TTC7B: variants seen among roughly 807,000 people sequenced by gnomAD.
The protein encoded by TTC7B is tetratricopeptide repeat domain 7B.
Under a neutral mutation model 106.8 loss-of-function variants are expected in TTC7B, and 28 were observed. The observed-to-expected ratio is 0.26, with a 90% confidence interval of 0.19 to 0.36. The LOEUF is 0.36. Among genes scored for constraint, TTC7B ranks in the 10% least tolerant of loss-of-function variants. TTC7B has a pLI of 1.00. For missense variants in TTC7B, 862 were observed against 1,076.4 expected, an observed-to-expected ratio of 0.80 and a Z score of 2.79; for synonymous variants, 405 against 430.6, an observed-to-expected ratio of 0.94 and a Z score of 0.74.
chr14:90,806,652 A>G (rs2140061929), intron 1 of TTC7B, among the ~76,000 whole-genome samples: 1 of 152,318 alleles, frequency 6.6e-6, no homozygotes, highest in South Asian at 2.1e-4. Context: ...CAAACCTGTA[A>G]TCCCAGCACT....
intron 18 of TTC7B, among the ~76,000 whole-genome samples, chr14:90,580,789 A>G (rs1891456456): frequency 6.6e-6 from 1 of 152,200 alleles, no homozygotes; most frequent in Non-Finnish European, 1.5e-5. Flanking sequence ...GCAGCTCCTG[A>G]TAGCCAGGTC....
intron 19 of TTC7B, among the ~76,000 whole-genome samples, chr14:90,546,802 G>A (rs956667943): frequency 1.1e-4 from 16 of 152,234 alleles, no homozygotes; most frequent in African/African-American, 3.9e-4. Context: ...GGTAAGCGCA[G>A]GCCTGCTCTC....
chr14:90,548,485 T>C (rs1566763242), intron 19 of TTC7B, among the ~76,000 whole-genome samples: 1 of 152,326 alleles, frequency 6.6e-6, no homozygotes, highest in East Asian at 1.9e-4. Context: ...GCCATTATGA[T>C]CAATGTAGTG....
chr14:90,716,156 A>T (rs989065240), intron 5 of TTC7B, among the ~76,000 whole-genome samples: 1 of 152,094 alleles, frequency 6.6e-6, no homozygotes, highest in Non-Finnish European at 1.5e-5. Flanking sequence ...TACAGCCAAG[A>T]AGGAGGGTGG....
intron 18 of TTC7B, among the ~76,000 whole-genome samples, chr14:90,584,757 C>A (rs2139812518): frequency 6.6e-6 from 1 of 152,204 alleles, no homozygotes; most frequent in Admixed American, 6.5e-5. Context: ...CCCTCCAAAC[C>A]ATGTCCTTTA....
At chr14:90,726,832 GC>G (rs1466300073) in intron 5 of TTC7B, among the ~76,000 whole-genome samples, 2 of 152,186 alleles carry the variant, frequency 1.3e-5, no homozygotes, top group South Asian at 4.1e-4. Flanking sequence ...TGTTTTTTCA[GC>G]CTTAACAGGC....
chr14:90,659,293 G>T (rs1329760676), intron 9 of TTC7B, among the ~76,000 whole-genome samples: 1 of 135,830 alleles, frequency 7.4e-6, no homozygotes, highest in Non-Finnish European at 1.6e-5. Context: ...AGAAGGGGAG[G>T]TGTTTTTTTT....
intron 11 of TTC7B, among the ~76,000 whole-genome samples, chr14:90,655,582 C>T (rs1885914994): frequency 6.6e-6 from 1 of 152,208 alleles, no homozygotes; most frequent in Admixed American, 6.5e-5. Context: ...TTTCAAAACT[C>T]CATCCACTTA....
chr14:90,601,173 C>A (rs899386591), intron 17 of TTC7B, among the ~76,000 whole-genome samples: 1 of 152,096 alleles, frequency 6.6e-6, no homozygotes, highest in Non-Finnish European at 1.5e-5. Flanking sequence ...AAAAAAGGTT[C>A]TATATTAGAG....
intron 15 of TTC7B, among the ~76,000 whole-genome samples, chr14:90,628,825 G>A (rs573080340): frequency 2.0e-5 from 3 of 152,346 alleles, no homozygotes; most frequent in South Asian, 4.1e-4. Flanking sequence ...TTCCATGAGG[G>A]GCTGTTTGGT....
intron 19 of TTC7B, 91 bp from the exon 20 acceptor site, chr14:90,541,680 T>C: frequency 1.9e-6 from 2 of 1,057,608 alleles, no homozygotes; most frequent in Non-Finnish European, 2.6e-6. Flanking sequence ...AGTCAGTTCC[T>C]CGGAGCCGGG....
intron 5 of TTC7B, among the ~76,000 whole-genome samples, chr14:90,700,295 C>T (rs1266061892): frequency 1.3e-5 from 2 of 152,152 alleles, no homozygotes; most frequent in African/African-American, 2.4e-5. Context: ...CTTTCCTGCC[C>T]TTGTGCCTTC....
intron 15 of TTC7B, among the ~76,000 whole-genome samples, chr14:90,629,565 T>A (rs74081248): frequency 1.3e-5 from 2 of 152,210 alleles, no homozygotes; most frequent in African/African-American, 2.4e-5. Flanking sequence ...TTAATGTTTG[T>A]AGCAGGCAGC....
intron 15 of TTC7B, among the ~76,000 whole-genome samples, chr14:90,639,770 G>A (rs1293225497): frequency 1.3e-5 from 2 of 152,076 alleles, no homozygotes; most frequent in Non-Finnish European, 2.9e-5. Context: ...AACAACCCAC[G>A]TATCTATTCA....
At chr14:90,565,817 G>C (rs2139789487) in intron 19 of TTC7B, among the ~76,000 whole-genome samples, 1 of 152,242 alleles carries the variant, frequency 6.6e-6, no homozygotes, top group Non-Finnish European at 1.5e-5. Flanking sequence ...TGTGTCTCAG[G>C]GAATAGGGAG....
At chr14:90,737,316 C>A (rs998554844) in intron 4 of TTC7B, among the ~76,000 whole-genome samples, 1 of 152,078 alleles carries the variant, frequency 6.6e-6, no homozygotes, top group Non-Finnish European at 1.5e-5. Context: ...AACCTGCATA[C>A]AAATATTTAT....
chr14:90,545,030 T>C (rs890309450), intron 19 of TTC7B, among the ~76,000 whole-genome samples: 1 of 152,218 alleles, frequency 6.6e-6, no homozygotes, highest in African/African-American at 2.4e-5. Flanking sequence ...CGCTAGGCAC[T>C]GTAGCTAGCC....
intron 3 of TTC7B, among the ~76,000 whole-genome samples, chr14:90,756,384 G>GGTTTTTTTTTTTTTTTTTTTTGT (rs888342468): frequency 7.9e-6 from 1 of 126,780 alleles, no homozygotes; most frequent in Non-Finnish European, 1.6e-5. Context: ...TTTTTTTTTT[G>GGTTTTTTTTTTTTTTTTTTTTGT]TTTTTTTTTT....
intron 17 of TTC7B, among the ~76,000 whole-genome samples, chr14:90,606,648 C>G (rs1001629703): frequency 5.3e-5 from 8 of 152,218 alleles, no homozygotes; most frequent in Admixed American, 3.9e-4. Flanking sequence ...TATGAGATGG[C>G]AGAGGTGGGA....
Sources: allele counts gnomAD v4.1 joint callset (sites outside exome capture counted in the v4.1 genomes callset), GRCh38; gene constraint gnomAD v4.1.1; transcripts MANE v1.5; gene names NCBI Gene and HGNC (gene_info 2026-07-23, HGNC 2026-07-21).